Variants in CCDC154 observed in about 807,000 individuals in gnomAD.
CCDC154 encodes the protein coiled-coil domain containing 154, also known as coiled-coil domain-containing protein 154.
Under a neutral mutation model 87.5 loss-of-function variants are expected in CCDC154, and 91 were observed. That is an observed-to-expected ratio of 1.04 (90% confidence interval 0.88 to 1.24). The LOEUF (loss-of-function observed/expected upper bound fraction) is 1.24. Among genes scored for constraint, CCDC154 ranks in the 50% most tolerant of loss-of-function variants. The probability of loss-of-function intolerance (pLI) is 0.00; values close to 1 mark genes in which losing one functional copy is unlikely to be tolerated. For synonymous variants in CCDC154, 418 were observed against 400.4 expected, an observed-to-expected ratio of 1.04 and a Z score of -0.52; for missense variants, 903 against 879.2, an observed-to-expected ratio of 1.03 and a Z score of -0.34.
At position 1,434,499 on chromosome 16, in the gene CCDC154, C is replaced by A; in HGVS notation, c.1913G>T (p.Arg638Met). The A allele has an allele frequency of 6.5e-7, 1 of 1,549,638 alleles. No homozygotes were observed. The highest frequency in any genetic ancestry group is 8.7e-7 in the Non-Finnish European group (1 of 1,146,758). Residue 638 changes from arginine to methionine, a missense_variant, in exon 17 of 17, where the codon AGG becomes ATG. Coordinates refer to ENST00000389176, the MANE Select transcript of CCDC154 (RefSeq NM_001143980.3). ...GACCCCTCCTGGCCTCCGCAGGGCC[C>A]TGAGCTTTATGAGGGACGCCTTCCA... is the stretch of plus-strand genomic sequence containing the variant. ...LRWKASLIKL[R>M]ALRRPGGVLE...
In CCDC154 at chr16:1,436,726, C is replaced by A; in HGVS notation, c.1376G>T (p.Gly459Val). The change falls in exon 12 of 17, where the codon GGG becomes GTG. Residue 459 changes from glycine to valine, a missense_variant. Transcript: ENST00000389176. ...GAGGCCATCCACCTTCTCCCGCACC[C>A]CTCGCAGGTGTTCGGTCACCTCCTT... Reference protein sequence around the residue: ...WRKEVTEHLRGVREKVDGLPQ... With the variant: ...WRKEVTEHLRVVREKVDGLPQ... 6.4e-7 allele frequency: 1 copy of A among 1,550,412 alleles called. No individual in the cohort carries two copies. The highest frequency in any genetic ancestry group is 8.7e-7 in the Non-Finnish European group (1 of 1,146,950).
At chr16:1,435,467 C>G (rs1235324942) in intron 14 of CCDC154, among the ~76,000 whole-genome samples, 1 of 152,184 alleles carries the variant, frequency 6.6e-6, no homozygotes, top group South Asian at 2.1e-4. Context: ...CTTAGAACTG[C>G]CAGAGGCTGA....
rs773913725 is a variant in CCDC154, at chr16:1,438,890, G to A, written c.831C>T (p.Gly277=). 1.1e-5 allele frequency: 17 copies of A among 1,549,152 alleles called. No individual in the cohort carries two copies. In the South Asian group the frequency reaches 1.9e-4, roughly 17 times the overall value. ...GCTTCTCCCACCGGCTCTCCAGCTCGCCCCGCAGGCTGCCCTCCAGCTTCA... is the reference window on the plus strand; with the variant it reads ...GCTTCTCCCACCGGCTCTCCAGCTCACCCCGCAGGCTGCCCTCCAGCTTCA... ...SRLKLEGSLR[G]ELESRWEKLR... Residue 277 remains glycine (G), a synonymous_variant, in exon 8 of 17, where the codon GGC becomes GGT. Transcript: ENST00000389176.
At position 1,435,995 on chromosome 16, in the gene CCDC154, C is replaced by G. The variant is rs1468210565; in HGVS notation, c.1579G>C (p.Ala527Pro). 7 of 1,550,200 alleles carry G rather than the reference C, an allele frequency of 4.5e-6. No homozygotes were observed. The highest frequency in any genetic ancestry group is 5.2e-6 in the Non-Finnish European group (6 of 1,146,896). The change falls in exon 14 of 17, where the codon GCG becomes CCG. Residue 527 changes from alanine (A) to proline (P), a missense_variant. Transcript: ENST00000389176. ...GTGGCCAGCTTGCCCTGCATCTCCG[C>G]GATCTTCCGCCCAGGGTTGTCTTCC... ...LKEDNPGRKI[A>P]EMQGKLATFQ...
At chr16:1,439,693 C>T (rs2038534441) in intron 6 of CCDC154, among the ~76,000 whole-genome samples, 1 of 152,180 alleles carries the variant, frequency 6.6e-6, no homozygotes, top group Admixed American at 6.5e-5. Context: ...TGGCCTCCTG[C>T]CCCCCAGGAG....
chr16:1,435,849 T>C, intron 14 of CCDC154, 120 bp downstream of exon 14: 1 of 846,928 alleles, frequency 1.2e-6, no homozygotes, highest in Non-Finnish European at 1.8e-6. Flanking sequence ...TTTCTGAGCG[T>C]CTCCTGCTGG....
Position 1,437,861 on chromosome 16 carries a change from G to C in CCDC154, c.1246C>G (p.Arg416Gly), listed in dbSNP as rs571439720. Reference protein sequence around the residue: ...LSGHLPALSSRLDLQEQMLGL... With the variant: ...LSGHLPALSSGLDLQEQMLGL... ...AGCATCTGCTCCTGCAGATCGAGCC[G>C]GCTGCTCAGAGCCGGGAGATGGCCA... The change falls in exon 11 of 17, where the codon CGG (arginine) becomes GGG (glycine). Residue 416 changes from arginine to glycine, a missense_variant. Coordinates refer to ENST00000389176, the MANE Select transcript of CCDC154 (RefSeq NM_001143980.3). 2 of 1,542,930 alleles carry C rather than the reference G, an allele frequency of 1.3e-6. No individual in the cohort carries two copies. Among genetic ancestry groups the C allele is most frequent in the South Asian group, 2.4e-5 (2 of 84,032 alleles).
intron 6 of CCDC154, among the ~76,000 whole-genome samples, chr16:1,440,234 G>A (rs2038538675): frequency 6.6e-6 from 1 of 151,594 alleles, no homozygotes; most frequent in African/African-American, 2.4e-5. Flanking sequence ...CGGATCATGA[G>A]GTCAGGAGAT....
At chr16:1,442,092 A>G (rs2038557003) in intron 6 of CCDC154, among the ~76,000 whole-genome samples, 1 of 149,564 alleles carries the variant, frequency 6.7e-6, no homozygotes, top group Non-Finnish European at 1.5e-5. Context: ...AGTTTTTTGT[A>G]TTTTTAGTAG....
At position 1,436,849 on chromosome 16, in the gene CCDC154, GA is replaced by G. The variant is rs540971512; in HGVS notation, c.1291-39del. 3.9e-4 allele frequency: 611 copies of G among 1,548,886 alleles called. 3 individuals carry two copies. In the South Asian group the frequency reaches 6.7e-3, roughly 17 times the overall value. On this transcript the variant is annotated intron_variant, in intron 11 of 16. Coordinates refer to ENST00000389176, the MANE Select transcript of CCDC154 (RefSeq NM_001143980.3). Reference sequence around the variant, plus strand: ...TGCCCAGTGAGGGACAAAGCCAAGAGAGGGGGGACAGACAGATGGAAAGACG... The same window carrying G: ...TGCCCAGTGAGGGACAAAGCCAAGAGGGGGGGACAGACAGATGGAAAGACG...
chr16:1,443,385 A>T, intron 3 of CCDC154, 84 bp from the exon 4 acceptor site: 1 of 1,483,270 alleles, frequency 6.7e-7, no homozygotes, highest in Non-Finnish European at 9.0e-7. Context: ...CTCCGGCACC[A>T]CTGGCCCCTG....
At chr16:1,434,587 C>A in intron 16 of CCDC154, 53 bp from the exon 17 acceptor site, 2 of 1,388,986 alleles carry the variant, frequency 1.4e-6, no homozygotes, top group Middle Eastern at 2.4e-4. Context: ...CCCCCCATGG[C>A]CCACCTGCTG....
At position 1,437,939 on chromosome 16, in the gene CCDC154, G is replaced by A. The variant is rs573962603; in HGVS notation, c.1168C>T (p.Arg390Trp). The A allele has an allele frequency of 9.7e-6, 15 of 1,546,480 alleles. No homozygotes were observed. Among genetic ancestry groups the A allele is most frequent in the Admixed American group, 7.9e-5 (4 of 50,936 alleles). ...GELVLLREKS[R>W]ALEASVAQLA... ...TGCGCCACGGATGCCTCCAGAGCCC[G>A]GCTCTTCTCTCGGAGCTGCAGGGGA... The change falls in exon 11 of 17, where the codon CGG (arginine) becomes TGG (tryptophan). Residue 390 changes from arginine to tryptophan, a missense_variant. By Grantham distance (101) the Arg-to-Trp change is moderately radical. Transcript: ENST00000389176.
chr16:1,443,036 G>T (rs79206326), intron 4 of CCDC154, 61 bp from the exon 5 acceptor site: 131,469 of 1,535,648 alleles, frequency 0.086, 6,397 homozygotes, highest in Non-Finnish European at 0.099. Context: ...CGGCGGGCTG[G>T]GGGTCTGGCC....
In CCDC154 at chr16:1,438,801, C is replaced by T; in HGVS notation, c.906+14G>A. On this transcript the variant is annotated intron_variant, in intron 8 of 16. Coordinates refer to ENST00000389176, the MANE Select transcript of CCDC154 (RefSeq NM_001143980.3). Reference sequence around the variant, plus strand: ...GGCCCCGGCCCCACCTGCCCGCCGCCCGCCCGGCCCCACCTCATGCTGCCC... The same window carrying T: ...GGCCCCGGCCCCACCTGCCCGCCGCTCGCCCGGCCCCACCTCATGCTGCCC... 1 of 1,540,224 alleles carries T rather than the reference C, an allele frequency of 6.5e-7. No individual in the cohort carries two copies. The highest frequency in any genetic ancestry group is 1.4e-5 in the African/African-American group (1 of 72,884).
intron 11 of CCDC154, chr16:1,437,279 C>G (rs1175177794): frequency 5.3e-6 from 1 of 189,642 alleles, no homozygotes; most frequent in South Asian, 1.3e-4. Context: ...CCGCACCGTG[C>G]GTGGCTCTGT....
intron 13 of CCDC154, 62 bp downstream of exon 13, chr16:1,436,383 C>G: frequency 1.5e-6 from 2 of 1,354,970 alleles, no homozygotes; most frequent in African/African-American, 2.9e-5. Context: ...GCGTGGGGAC[C>G]GGCCCAGCCC....
intron 6 of CCDC154, among the ~76,000 whole-genome samples, chr16:1,441,670 C>T (rs1392482474): frequency 6.6e-6 from 1 of 152,172 alleles, no homozygotes; most frequent in Non-Finnish European, 1.5e-5. Context: ...ATCTGTGGAC[C>T]CGGGCAGGCG....
intron 6 of CCDC154, among the ~76,000 whole-genome samples, chr16:1,440,930 A>G (rs2038546385): frequency 6.6e-6 from 1 of 151,054 alleles, no homozygotes; most frequent in African/African-American, 2.4e-5. Context: ...CAGCCCAGGC[A>G]ACAGAGGGAG....
Sources: gnomAD v4.1 joint callset for allele counts (sites outside exome capture counted in the v4.1 genomes callset) on GRCh38, gnomAD v4.1.1 for gene constraint, MANE v1.5 for transcripts, NCBI Gene and HGNC (gene_info 2026-07-23, HGNC 2026-07-21) for gene names.